The following LGR4 variants were observed in gnomAD, a reference collection of about 807,000 sequenced individuals.
LGR4 encodes the protein leucine rich repeat containing G protein-coupled receptor 4.
Under a neutral mutation model 84.8 loss-of-function variants are expected in LGR4, and 44 were observed. The ratio of observed to expected loss-of-function variants is 0.52; its 90% CI spans 0.41 to 0.67. LGR4 has a LOEUF of 0.67. Ranked by LOEUF, LGR4 falls within the 30% of genes least tolerant of loss-of-function variation. The pLI, the probability that LGR4 is intolerant of heterozygous loss-of-function variation, is 0.00. For synonymous variants in LGR4, 429 were observed against 434.3 expected (o/e 0.99, Z 0.15); for missense variants, 1,032 against 1,131.4 (o/e 0.91, Z 1.26).
intron 4 of LGR4, among the ~76,000 whole-genome samples, chr11:27,387,535 C>T (rs1038705104): frequency 2.6e-5 from 4 of 152,062 alleles, no homozygotes; most frequent in African/African-American, 7.2e-5. Flanking sequence ...GAAAGAGCCA[C>T]GTCAGAGACC....
intron 1 of LGR4, among the ~76,000 whole-genome samples, chr11:27,450,037 TAA>T (rs1486566109): frequency 6.6e-6 from 1 of 152,222 alleles, no homozygotes; most frequent in African/African-American, 2.4e-5. Flanking sequence ...ACGCTTTCGT[TAA>T]GTCTGATGAA....
intron 1 of LGR4, 198 bp downstream of exon 1, chr11:27,471,920 C>G (rs909436653): frequency 2.8e-6 from 1 of 362,668 alleles, no homozygotes; most frequent in African/African-American, 2.1e-5. Context: ...CGAACCCGGA[C>G]TAGCAAAGTG....
intron 1 of LGR4, among the ~76,000 whole-genome samples, chr11:27,471,557 C>T (rs1238142493): frequency 6.6e-6 from 1 of 152,218 alleles, no homozygotes; most frequent in African/African-American, 2.4e-5. Flanking sequence ...GGACGCACTA[C>T]CTGGATGGGG....
At chr11:27,451,535 G>C (rs1864480555) in intron 1 of LGR4, among the ~76,000 whole-genome samples, 1 of 152,194 alleles carries the variant, frequency 6.6e-6, no homozygotes, top group Admixed American at 6.5e-5. Context: ...TAACAATGAA[G>C]TAATCAAGTG....
chr11:27,368,022 T>C lies in LGR4; in HGVS notation c.2701A>G (p.Thr901Ala). 6.2e-7 allele frequency: 1 copy of C among 1,610,116 alleles called. No individual in the cohort carries two copies. The change falls in exon 18 of 18, where the codon ACA (threonine) becomes GCA (alanine). Residue 901 changes from threonine (T) to alanine (A), a missense_variant. Transcript: ENST00000379214. ...GCATAATCAGAGTGGGCCGACTGTG[T>C]GCCACAGTCGGACCAGTAGCCCTCA... ...RPEGYWSDCG[T>A]QSAHSDYADE...
chr11:27,374,948 G>A (rs1862947279), intron 13 of LGR4, among the ~76,000 whole-genome samples: 1 of 152,012 alleles, frequency 6.6e-6, no homozygotes, highest in African/African-American at 2.4e-5. Flanking sequence ...TTCAATATAT[G>A]TAATTTCATT....
At chr11:27,472,049 C>T in intron 1 of LGR4, 69 bp downstream of exon 1, 1 of 1,148,728 alleles carries the variant, frequency 8.7e-7, no homozygotes, top group Non-Finnish European at 1.1e-6. Context: ...CCCCTGGCTC[C>T]GCCCCGCGGC....
intron 1 of LGR4, among the ~76,000 whole-genome samples, chr11:27,447,637 TTAA>T (rs1343073747): frequency 6.6e-6 from 1 of 152,222 alleles, no homozygotes; most frequent in African/African-American, 2.4e-5. Flanking sequence ...CTTTACATTC[TTAA>T]TAAACTTGTT....
At chr11:27,377,123 C>T in intron 12 of LGR4, 35 bp downstream of exon 12, 2 of 1,333,908 alleles carry the variant, frequency 1.5e-6, no homozygotes, top group East Asian at 2.4e-5. Flanking sequence ...TAACAATACA[C>T]CACAACAAAA....
chr11:27,451,947 A>G (rs1294844227), intron 1 of LGR4, among the ~76,000 whole-genome samples: 2 of 152,250 alleles, frequency 1.3e-5, no homozygotes, highest in African/African-American at 4.8e-5. Flanking sequence ...TCTGCTTTAG[A>G]ACATAAAAGA....
chr11:27,380,976 T>C lies in LGR4; in HGVS notation c.759-10A>G, dbSNP rs1863082403. ...ATTACTATGAAATCCTCTAGAAAGA[T>C]AGGAGAAAAGTATTTTGAAATGCAT... is the stretch of plus-strand genomic sequence containing the variant. On this transcript the variant is annotated splice_polypyrimidine_tract_variant and intron_variant, in intron 7 of 17. Transcript: ENST00000379214. 3 of 1,454,938 alleles carry C rather than the reference T, an allele frequency of 2.1e-6. No individual in the cohort carries two copies. The highest frequency in any genetic ancestry group is 1.4e-5 in the African/African-American group (1 of 71,518). The allele number at this position is 1,454,938 out of a possible 1,614,324, so 90.1% of individuals were successfully genotyped here.
intron 1 of LGR4, among the ~76,000 whole-genome samples, chr11:27,467,578 A>AC (rs1335351293): frequency 8.0e-6 from 1 of 124,334 alleles, no homozygotes; most frequent in Non-Finnish European, 2.0e-5. Flanking sequence ...AAAAAAAAAA[A>AC]AAAATCAAAT....
chr11:27,409,908 G>A (rs1863678234), intron 2 of LGR4, among the ~76,000 whole-genome samples: 3 of 152,006 alleles, frequency 2.0e-5, no homozygotes, highest in African/African-American at 7.2e-5. Flanking sequence ...TTTCCTCCCT[G>A]CACACACGTC....
chr11:27,452,780 C>T (rs551004923), intron 1 of LGR4, among the ~76,000 whole-genome samples: 71 of 150,124 alleles, frequency 4.7e-4, no homozygotes, highest in African/African-American at 1.1e-3. Context: ...CCCGCCACCA[C>T]GTCCGGCTAA....
chr11:27,432,691 C>T (rs780579156), intron 1 of LGR4, among the ~76,000 whole-genome samples: 4 of 152,294 alleles, frequency 2.6e-5, no homozygotes, highest in Admixed American at 1.3e-4. Context: ...AGAGGACCCC[C>T]CATTGCTTCT....
intron 1 of LGR4, among the ~76,000 whole-genome samples, chr11:27,459,028 T>G (rs918687294): frequency 6.6e-6 from 1 of 152,144 alleles, no homozygotes; most frequent in African/African-American, 2.4e-5. Context: ...GCCAATAAAT[T>G]TAAAGGAAAT....
At chr11:27,390,851 A>G (rs1057476783) in intron 4 of LGR4, among the ~76,000 whole-genome samples, 1 of 152,188 alleles carries the variant, frequency 6.6e-6, no homozygotes, top group African/African-American at 2.4e-5. Flanking sequence ...GCACAAGTTC[A>G]TGGAAGTACA....
chr11:27,448,832 C>T (rs1864435535), intron 1 of LGR4, among the ~76,000 whole-genome samples: 1 of 152,072 alleles, frequency 6.6e-6, no homozygotes, highest in Non-Finnish European at 1.5e-5. Flanking sequence ...GGAGCAAGCC[C>T]CCTGAGGACA....
intron 11 of LGR4, among the ~76,000 whole-genome samples, chr11:27,377,443 CAT>C (rs1204916980): frequency 6.6e-6 from 1 of 151,534 alleles, no homozygotes; most frequent in African/African-American, 2.4e-5. Flanking sequence ...TATTGTTGAG[CAT>C]AGACACTAAT....
Sources: gnomAD v4.1 joint callset for allele counts (sites outside exome capture counted in the v4.1 genomes callset) on GRCh38, gnomAD v4.1.1 for gene constraint, MANE v1.5 for transcripts, NCBI Gene and HGNC (gene_info 2026-07-23, HGNC 2026-07-21) for gene names.